The following PLPPR1 variants were observed in gnomAD, a reference collection of about 807,000 sequenced individuals.
The protein encoded by PLPPR1 is phospholipid phosphatase-related protein type 1.
A neutral mutation model predicts 33.1 loss-of-function variants in PLPPR1; 10 were observed. That is an observed-to-expected ratio of 0.30 (90% CI 0.19 to 0.51). The LOEUF (loss-of-function observed/expected upper bound fraction) is 0.51, where lower values mean the gene tolerates loss of function less well. Among genes scored for constraint, PLPPR1 ranks in the 20% least tolerant of loss-of-function variants. The pLI, the probability that PLPPR1 is intolerant of heterozygous loss-of-function variation, is 0.97. For synonymous variants in PLPPR1, 151 were observed against 151.0 expected (o/e 1.00, Z 0.00); for missense variants, 304 against 408.1 (o/e 0.74, Z 2.20).
At chr9:101,151,699 C>G (rs1057010959) in intron 1 of PLPPR1, among the ~76,000 whole-genome samples, 3 of 152,174 alleles carry the variant, frequency 2.0e-5, no homozygotes. Flanking sequence ...TGCCACTTCT[C>G]TCTCTCCCAG....
At chr9:101,202,901 C>T (rs1826518473) in intron 2 of PLPPR1, among the ~76,000 whole-genome samples, 1 of 152,188 alleles carries the variant, frequency 6.6e-6, no homozygotes, top group Non-Finnish European at 1.5e-5. Context: ...AACCCTCAGG[C>T]ACAGATTCGC....
chr9:101,093,932 C>G (rs73656141), intron 1 of PLPPR1, among the ~76,000 whole-genome samples: 372 of 152,272 alleles, frequency 2.4e-3, no homozygotes, highest in African/African-American at 8.8e-3. Flanking sequence ...TACATGTTCT[C>G]TCTCCCAACC....
chr9:101,300,544 T>A (rs2118940537), intron 4 of PLPPR1, among the ~76,000 whole-genome samples: 1 of 152,202 alleles, frequency 6.6e-6, no homozygotes, highest in East Asian at 1.9e-4. Flanking sequence ...GATCTCAGTA[T>A]CTGTAAATCA....
At chr9:101,318,109 T>C (rs1025050694) in intron 7 of PLPPR1, among the ~76,000 whole-genome samples, 6 of 152,160 alleles carry the variant, frequency 3.9e-5, no homozygotes, top group South Asian at 2.1e-4. Flanking sequence ...GGTGGGAGGA[T>C]TGCTTGAAGC....
chr9:101,184,762 A>G (rs1826175857), intron 1 of PLPPR1, among the ~76,000 whole-genome samples: 1 of 151,960 alleles, frequency 6.6e-6, no homozygotes, highest in Non-Finnish European at 1.5e-5. Context: ...ATTTAATGAC[A>G]ATCTGCTATT....
chr9:101,172,376 G>T (rs1047454948), intron 1 of PLPPR1, among the ~76,000 whole-genome samples: 1 of 151,788 alleles, frequency 6.6e-6, no homozygotes, highest in African/African-American at 2.4e-5. Context: ...AAAATATGCT[G>T]CAAGGAGTAC....
intron 1 of PLPPR1, among the ~76,000 whole-genome samples, chr9:101,070,941 G>T (rs1345538213): frequency 6.6e-6 from 1 of 152,042 alleles, no homozygotes; most frequent in Non-Finnish European, 1.5e-5. Flanking sequence ...ACAAAAATTT[G>T]GGTTAGTTTA....
At chr9:101,106,440 T>A (rs1196132968) in intron 1 of PLPPR1, among the ~76,000 whole-genome samples, 1 of 126,378 alleles carries the variant, frequency 7.9e-6, no homozygotes, top group South Asian at 2.9e-4. Flanking sequence ...AATTCTGGGT[T>A]GAAAATTCTT....
rs531034219 is a variant in PLPPR1 at position 101,289,509 on chromosome 9, G to T, written c.385+3273G>T. ...TGTGTCTCTACCCAAATCTCATCTT[G>T]AATTGTACTCCCATAATTCCCACAT... is the stretch of plus-strand genomic sequence containing the variant. On this transcript the variant is annotated intron_variant, in intron 4 of 7. Transcript: ENST00000374874. Among the ~76,000 whole-genome samples, 5 of 152,306 alleles carry T rather than the reference G, an allele frequency of 3.3e-5. No individual in the cohort carries two copies. In the East Asian group the frequency reaches 7.7e-4, roughly 24 times the overall value.
At chr9:101,254,585 T>C (rs1402269199) in intron 2 of PLPPR1, among the ~76,000 whole-genome samples, 1 of 152,164 alleles carries the variant, frequency 6.6e-6, no homozygotes. Context: ...TCTTCCATGC[T>C]GTGTGACCTT....
intron 1 of PLPPR1, among the ~76,000 whole-genome samples, chr9:101,041,571 T>C (rs1368142289): frequency 1.3e-5 from 2 of 152,180 alleles, no homozygotes; most frequent in Non-Finnish European, 2.9e-5. Context: ...CTCTGGCTAC[T>C]AGGTTTGGTT....
chr9:101,254,740 A>G (rs1426503774), intron 2 of PLPPR1, among the ~76,000 whole-genome samples: 1 of 152,178 alleles, frequency 6.6e-6, no homozygotes, highest in Non-Finnish European at 1.5e-5. Context: ...TGAAAATCCA[A>G]TACATTATTT....
At chr9:101,034,172 G>C (rs949306779) in intron 1 of PLPPR1, among the ~76,000 whole-genome samples, 1 of 152,100 alleles carries the variant, frequency 6.6e-6, no homozygotes, top group Non-Finnish European at 1.5e-5. Flanking sequence ...TTATCAAAAG[G>C]GAGCAGATGG....
intron 2 of PLPPR1, among the ~76,000 whole-genome samples, chr9:101,199,878 T>A (rs1218753283): frequency 6.6e-6 from 1 of 152,186 alleles, no homozygotes; most frequent in African/African-American, 2.4e-5. Flanking sequence ...TTAATCAGAA[T>A]GGGACGAAAC....
chr9:101,151,801 A>G (rs1017694220), intron 1 of PLPPR1, among the ~76,000 whole-genome samples: 10 of 152,134 alleles, frequency 6.6e-5, no homozygotes, highest in Non-Finnish European at 1.3e-4. Context: ...ACTACTATAA[A>G]TCCATTCAAG....
intron 2 of PLPPR1, among the ~76,000 whole-genome samples, chr9:101,231,773 T>G (rs985814688): frequency 1.3e-5 from 2 of 152,104 alleles, no homozygotes; most frequent in African/African-American, 4.8e-5. Context: ...CTTTGCTCAT[T>G]GTTGATTCAC....
At chr9:101,164,350 ATTTTC>A (rs72414037) in intron 1 of PLPPR1, among the ~76,000 whole-genome samples, 13,614 of 138,320 alleles carry the variant, frequency 0.098, 1,183 homozygotes, top group East Asian at 0.29. Context: ...AAATTTTGCT[ATTTTC>A]TTTTCTTTTC....
intron 1 of PLPPR1, among the ~76,000 whole-genome samples, chr9:101,181,628 G>GTATGTA (rs1554732862): frequency 6.8e-6 from 1 of 146,432 alleles, no homozygotes; most frequent in Non-Finnish European, 1.5e-5. Context: ...GTGTGTGTGT[G>GTATGTA]TGTGTATGTG....
intron 2 of PLPPR1, among the ~76,000 whole-genome samples, chr9:101,200,935 T>G (rs1826481332): frequency 6.6e-6 from 1 of 152,234 alleles, no homozygotes; most frequent in African/African-American, 2.4e-5. Flanking sequence ...CTGTTTGTGC[T>G]GCTATAAGAA....
Sources: allele counts gnomAD v4.1 joint callset (sites outside exome capture counted in the v4.1 genomes callset), GRCh38; gene constraint gnomAD v4.1.1; transcripts MANE v1.5; gene names NCBI Gene and HGNC (gene_info 2026-07-23, HGNC 2026-07-21).